RFX2: variants seen among roughly 807,000 people sequenced by gnomAD.
RFX2 encodes the protein DNA-binding protein RFX2.
Under a neutral mutation model 87.8 loss-of-function variants are expected in RFX2, and 20 were observed. That is an observed-to-expected ratio of 0.23 (90% CI 0.16 to 0.33). The LOEUF is 0.33. RFX2 is among the 10% of genes least tolerant of loss of function. The pLI is 1.00. For synonymous variants in RFX2, 397 were observed against 431.3 expected (o/e 0.92, Z 0.98); for missense variants, 767 against 1,012.3 (o/e 0.76, Z 3.29).
rs1281088780 is a variant in RFX2 at position 6,023,259 on chromosome 19, C to T, written c.597+2904G>A. On this transcript the variant is annotated intron_variant, in intron 6 of 17. Transcript: ENST00000303657. This position sits in a 1 kb window ranked among gnomAD's most constrained non-coding sequence, Gnocchi z 4.9. ...TGGGTCTCCAGGGCCCAGCTGCTCC[C>T]ACACACTTGGCTTATCTGCCACAGG... 6.6e-6 allele frequency: 1 copy of T among 152,392 alleles called. No individual in the cohort carries two copies. The highest frequency in any genetic ancestry group is 1.5e-5 in the Non-Finnish European group (1 of 68,176). The allele number at this position is 152,392 out of a possible 1,614,324, so 9.4% of individuals were successfully genotyped here.
Position 6,101,246 on chromosome 19 carries a change from C to T in RFX2, c.-9+9147G>A, listed in dbSNP as rs1284461648. Among the ~76,000 whole-genome samples the T allele has an allele frequency of 2.6e-5, 4 of 152,150 alleles. No individual in the cohort carries two copies. The highest frequency in any genetic ancestry group is 5.9e-5 in the Non-Finnish European group (4 of 68,018). On this transcript the variant is annotated intron_variant, in intron 1 of 17. Coordinates refer to ENST00000303657, the MANE Select transcript of RFX2 (RefSeq NM_000635.4). This position sits in a 1 kb window ranked among gnomAD's most constrained non-coding sequence, Gnocchi z 4.9. ...TAGTAGGGTGAATTCTTCAAGAAAA[C>T]GAATAATTCCTTTTAAAATCAGAAG...
rs925572087 is a variant in RFX2 at position 6,045,605 on chromosome 19, A to G, written c.91-1323T>C. ...AAGCTAAAGATGTCTGACCATACACACTACATCAAATAAACCGCTTCACTG... is the reference window on the plus strand; with the variant it reads ...AAGCTAAAGATGTCTGACCATACACGCTACATCAAATAAACCGCTTCACTG... On this transcript the variant is annotated intron_variant, in intron 2 of 17. Transcript: ENST00000303657. The surrounding 1 kb of genome is among the most constrained non-coding windows in gnomAD (Gnocchi z 5.2). Among the ~76,000 whole-genome samples, 3 of 152,122 alleles carry G rather than the reference A, an allele frequency of 2.0e-5. No homozygotes were observed. The South Asian group carries it at 6.2e-4, about 31-fold the overall frequency.
chr19:5,998,657 G>A lies in RFX2; in HGVS notation c.1860-1444C>T, dbSNP rs969401594. On this transcript the variant is annotated intron_variant, in intron 15 of 17. Coordinates refer to ENST00000303657, the MANE Select transcript of RFX2 (RefSeq NM_000635.4). This position sits in a 1 kb window ranked among gnomAD's most constrained non-coding sequence, Gnocchi z 4.2. ...CCCTTTCCCCAAAGGCCTCCCCCACGCAGATGAGGTGCTGGCACTCTGCAA... is the reference window on the plus strand; with the variant it reads ...CCCTTTCCCCAAAGGCCTCCCCCACACAGATGAGGTGCTGGCACTCTGCAA... 1.6e-4 allele frequency among the ~76,000 whole-genome samples: 24 copies of A among 151,838 alleles called. No homozygotes were observed. The highest frequency in any genetic ancestry group is 1.0e-3 in the Admixed American group (16 of 15,248).
At chr19:6,036,874 C>T (rs1248455855) in intron 5 of RFX2, among the ~76,000 whole-genome samples, 2 of 152,140 alleles carry the variant, frequency 1.3e-5, no homozygotes, top group African/African-American at 4.8e-5. Flanking sequence ...CATTTCACTG[C>T]AAGTGCTAGC....
intron 1 of RFX2, among the ~76,000 whole-genome samples, chr19:6,098,075 G>C (rs1409375946): frequency 1.3e-5 from 2 of 151,980 alleles, no homozygotes; most frequent in Non-Finnish European, 2.9e-5. Context: ...ACACAGCATT[G>C]AACATTCTTA....
At chr19:6,075,350 C>T (rs190706687) in intron 1 of RFX2, among the ~76,000 whole-genome samples, 1 of 152,240 alleles carries the variant, frequency 6.6e-6, no homozygotes, top group Admixed American at 6.5e-5. Context: ...GGCTTTCGCT[C>T]TGAGTGTGCT....
chr19:6,082,539 C>T (rs181628043), intron 1 of RFX2, among the ~76,000 whole-genome samples: 1 of 152,192 alleles, frequency 6.6e-6, no homozygotes, highest in East Asian at 1.9e-4. Flanking sequence ...CTCAAGCCAT[C>T]CTCCCACCAC....
chr19:6,093,096 G>T (rs985327126), intron 1 of RFX2, among the ~76,000 whole-genome samples: 4 of 152,162 alleles, frequency 2.6e-5, no homozygotes, highest in African/African-American at 9.7e-5. Flanking sequence ...GCAAGCTAAC[G>T]CCAAGGGGAG....
In RFX2 at chr19:6,002,123, T is replaced by C. The variant is rs765157677; in HGVS notation, c.1651-100A>G. On this transcript the variant is annotated intron_variant, in intron 14 of 17. Coordinates refer to ENST00000303657, the MANE Select transcript of RFX2 (RefSeq NM_000635.4). The surrounding 1 kb of genome is among the most constrained non-coding windows in gnomAD (Gnocchi z 6.7). ...CTCAGGGCGGGACATCGTGCTGTGC[T>C]TGAGCCTTCTCGCCCTTGACCTTGA... The C allele has an allele frequency of 4.7e-6, 5 of 1,068,518 alleles. No homozygotes were observed. The highest frequency in any genetic ancestry group is 1.6e-5 in the African/African-American group (1 of 62,376). The allele number at this position is 1,068,518 out of a possible 1,614,324, so 66.2% of individuals were successfully genotyped here. A position where few individuals can be genotyped will look rare whatever the true frequency, so the allele number is the denominator to read the frequency against.
chr19:6,033,924 G>A (rs1224398717), intron 5 of RFX2, among the ~76,000 whole-genome samples: 1 of 152,170 alleles, frequency 6.6e-6, no homozygotes, highest in Non-Finnish European at 1.5e-5. Context: ...CTTGAGTGTG[G>A]GAATGTCAAA....
chr19:6,074,013 G>A lies in RFX2; in HGVS notation c.-8-26509C>T, dbSNP rs1443185544. ...AGGACCACAGGGCGACTTCTAGGCA[G>A]CCCCCAGACAGGCCGGCCCTGGGTA... On this transcript the variant is annotated intron_variant, in intron 1 of 17. Coordinates refer to ENST00000303657, the MANE Select transcript of RFX2 (RefSeq NM_000635.4). This position sits in a 1 kb window ranked among gnomAD's most constrained non-coding sequence, Gnocchi z 5.2. Among the ~76,000 whole-genome samples, 1 of 152,200 alleles carries A rather than the reference G, an allele frequency of 6.6e-6. No individual in the cohort carries two copies. The highest frequency in any genetic ancestry group is 2.4e-5 in the African/African-American group (1 of 41,450).
At position 6,024,002 on chromosome 19, in the gene RFX2, A is replaced by C. The variant is rs957663769; in HGVS notation, c.597+2161T>G. ...GTCATGTTGGTCAGGCTGGTCTGGA[A>C]CTCCTGACCTCAAGTGGTACACCCG... On this transcript the variant is annotated intron_variant, in intron 6 of 17. Transcript: ENST00000303657. The surrounding 1 kb of genome is among the most constrained non-coding windows in gnomAD (Gnocchi z 5.0). 6.6e-6 allele frequency among the ~76,000 whole-genome samples: 1 copy of C among 151,894 alleles called. No individual in the cohort carries two copies. Among genetic ancestry groups the C allele is most frequent in the African/African-American group, 2.4e-5 (1 of 41,306 alleles).
chr19:6,054,149 C>A (rs186501190), intron 1 of RFX2, among the ~76,000 whole-genome samples: 6 of 152,032 alleles, frequency 3.9e-5, no homozygotes, highest in Admixed American at 3.9e-4. Context: ...AATTCAATAA[C>A]ATATAAAATG....
chr19:6,075,617 G>C (rs2087681172), intron 1 of RFX2, among the ~76,000 whole-genome samples: 1 of 152,202 alleles, frequency 6.6e-6, no homozygotes, highest in African/African-American at 2.4e-5. Flanking sequence ...TGAGCACCTA[G>C]AGAATGGAGC....
chr19:6,085,420 T>G (rs180895384), intron 1 of RFX2, among the ~76,000 whole-genome samples: 89 of 152,398 alleles, frequency 5.8e-4, no homozygotes, highest in African/African-American at 2.1e-3. Context: ...CTGAATATCT[T>G]CTTTGAAGAA....
intron 1 of RFX2, among the ~76,000 whole-genome samples, chr19:6,109,613 T>TC (rs776877898): frequency 2.5e-4 from 38 of 151,248 alleles, no homozygotes; most frequent in Non-Finnish European, 5.0e-4. Flanking sequence ...GTCTTCGAGG[T>TC]CCCCCCGATG....
chr19:6,034,218 A>G (rs1278660857), intron 5 of RFX2, among the ~76,000 whole-genome samples: 1 of 141,150 alleles, frequency 7.1e-6, no homozygotes, highest in Non-Finnish European at 1.5e-5. Context: ...CTACAGACAC[A>G]CACTGCTAAT....
chr19:6,044,224 G>C lies in RFX2; in HGVS notation c.149C>G (p.Ser50Cys). 6.3e-7 allele frequency: 1 copy of C among 1,579,314 alleles called. No homozygotes were observed. The highest frequency in any genetic ancestry group is 8.6e-7 in the Non-Finnish European group (1 of 1,163,084). ...GGGTACCTGCTGAACTCTGGGGAGG[G>C]AGATCGGCTGCATCTGGGCCCCTTT... The part of the protein sequence containing the change: ...NPKGAQMQPI[S>C]LPRVQQVPQQ... Residue 50 changes from serine to cysteine, a missense_variant, in exon 3 of 18, where the codon TCC becomes TGC. Coordinates refer to ENST00000303657, the MANE Select transcript of RFX2 (RefSeq NM_000635.4). The surrounding 1 kb of genome is among the most constrained non-coding windows in gnomAD (Gnocchi z 5.3).
chr19:6,094,084 G>T (rs959292426), intron 1 of RFX2, among the ~76,000 whole-genome samples: 1 of 152,128 alleles, frequency 6.6e-6, no homozygotes. Context: ...GAATTCTGCG[G>T]CATGTGAATT....
Sources: gnomAD v4.1 joint callset for allele counts (sites outside exome capture counted in the v4.1 genomes callset) on GRCh38, gnomAD v4.1.1 for gene constraint, Gnocchi (gnomAD v3.1) non-coding constraint, MANE v1.5 for transcripts, NCBI Gene and HGNC (gene_info 2026-07-23, HGNC 2026-07-21) for gene names.